The following RBFOX2 variants were observed in gnomAD, a reference collection of about 807,000 sequenced individuals.
RBFOX2 encodes RNA binding fox-1 homolog 2, also known as RNA binding protein fox-1 homolog 2.
In RBFOX2, 10 loss-of-function variants were observed where a neutral mutation model predicts 49.1. The ratio of observed to expected loss-of-function variants is 0.20; its 90% CI spans 0.13 to 0.35. The LOEUF (loss-of-function observed/expected upper bound fraction) is 0.35, where lower values mean the gene tolerates loss of function less well. Among genes scored for constraint, RBFOX2 ranks in the 10% least tolerant of loss-of-function variants. RBFOX2 has a pLI of 1.00. For synonymous variants in RBFOX2, 183 were observed against 187.4 expected (o/e 0.98, Z 0.19); for missense variants, 323 against 486.9 (o/e 0.66, Z 3.17).
At chr22:35,786,424 T>C (rs540613568) in intron 2 of RBFOX2, among the ~76,000 whole-genome samples, 55 of 152,264 alleles carry the variant, frequency 3.6e-4, no homozygotes, top group African/African-American at 1.3e-3. Flanking sequence ...AAGTTTAACA[T>C]ACATAGATAA....
chr22:35,876,337 T>C (rs545635037), intron 1 of RBFOX2, among the ~76,000 whole-genome samples: 1 of 152,300 alleles, frequency 6.6e-6, no homozygotes, highest in African/African-American at 2.4e-5. Context: ...GGTATTCTCC[T>C]GCCTCAGCCT....
At chr22:36,019,939 G>A (rs2059177588) in intron 1 of RBFOX2, among the ~76,000 whole-genome samples, 1 of 152,096 alleles carries the variant, frequency 6.6e-6, no homozygotes, top group South Asian at 2.1e-4. Flanking sequence ...ACATTGCCAA[G>A]ACAATCCTAA....
intron 1 of RBFOX2, among the ~76,000 whole-genome samples, chr22:35,878,317 G>T (rs1207882251): frequency 6.6e-6 from 1 of 152,100 alleles, no homozygotes; most frequent in Non-Finnish European, 1.5e-5. Context: ...AGAATCACTT[G>T]AACCCAGGAG....
intron 1 of RBFOX2, among the ~76,000 whole-genome samples, chr22:35,837,508 T>TGC (rs2082287138): frequency 6.7e-6 from 1 of 149,484 alleles, no homozygotes; most frequent in Non-Finnish European, 1.5e-5. Flanking sequence ...CACACACATG[T>TGC]GCACACACAC....
At chr22:35,953,172 C>T (rs1282451589) in intron 1 of RBFOX2, among the ~76,000 whole-genome samples, 2 of 140,512 alleles carry the variant, frequency 1.4e-5, no homozygotes, top group African/African-American at 5.4e-5. Flanking sequence ...GATCACACCA[C>T]TGCGCTCCAG....
Position 35,885,843 on chromosome 22 carries a change from A to ATTTTTT in RBFOX2, c.-34+52998_-34+53003dup, listed in dbSNP as rs538674450. Among the ~76,000 whole-genome samples, 105 of 83,152 alleles carry ATTTTTT rather than the reference A, an allele frequency of 1.3e-3. 12 individuals are homozygous for ATTTTTT. The highest frequency in any genetic ancestry group is 4.5e-3 in the African/African-American group (85 of 18,756). The allele number at this position is 83,152 out of a possible 152,430, so 54.6% of individuals were successfully genotyped here. On this transcript the variant is annotated intron_variant, in intron 1 of 13. Transcript: ENST00000359369. Reference sequence around the variant, plus strand: ...TTGGGTTAAGTGAAACCCAAACCTAATTTTTTTTTTTTTTTTTTTTTTTTT... The same window carrying ATTTTTT: ...TTGGGTTAAGTGAAACCCAAACCTAATTTTTTTTTTTTTTTTTTTTTTTTTTTTTTT...
At chr22:35,818,022 G>A (rs1015904223) in intron 1 of RBFOX2, among the ~76,000 whole-genome samples, 2 of 151,552 alleles carry the variant, frequency 1.3e-5, no homozygotes, top group African/African-American at 2.4e-5. Context: ...AAGCCAGTCC[G>A]GTCTTTCCCT....
chr22:35,961,748 C>T (rs2056230189), upstream of RBFOX2: 16 of 1,217,282 alleles, frequency 1.3e-5, no homozygotes, highest in Non-Finnish European at 1.5e-5. Context: ...GTTCTCCCCA[C>T]ACCACCCGCC....
intron 1 of RBFOX2, among the ~76,000 whole-genome samples, chr22:35,937,564 G>GT (rs1049998272): frequency 6.6e-5 from 10 of 151,790 alleles, no homozygotes; most frequent in African/African-American, 2.4e-4. Flanking sequence ...CCTAGTTTTT[G>GT]TTTTTTTGTA....
At chr22:35,960,326 A>T (rs544125064) in intron 1 of RBFOX2, among the ~76,000 whole-genome samples, 55 of 152,290 alleles carry the variant, frequency 3.6e-4, no homozygotes, top group African/African-American at 1.3e-3. Context: ...GAGGAAGCCA[A>T]CGCACCAAGA....
At chr22:35,863,235 T>C (rs2043299025) in intron 1 of RBFOX2, among the ~76,000 whole-genome samples, 1 of 152,188 alleles carries the variant, frequency 6.6e-6, no homozygotes, top group Non-Finnish European at 1.5e-5. Context: ...AACATATTTA[T>C]GTTATTTTTG....
chr22:35,960,611 C>A (rs1158112446), intron 1 of RBFOX2, among the ~76,000 whole-genome samples: 1 of 152,094 alleles, frequency 6.6e-6, no homozygotes, highest in Non-Finnish European at 1.5e-5. Flanking sequence ...ATTTAAAGAG[C>A]CCTTGATCTG....
At chr22:35,774,823 C>T (rs990401570) in intron 4 of RBFOX2, among the ~76,000 whole-genome samples, 6 of 152,052 alleles carry the variant, frequency 3.9e-5, no homozygotes, top group Non-Finnish European at 8.8e-5. Context: ...GGGTGATGGT[C>T]TTATTATACA....
chr22:35,951,843 G>C (rs1168456041), intron 1 of RBFOX2, among the ~76,000 whole-genome samples: 1 of 152,114 alleles, frequency 6.6e-6, no homozygotes, highest in Non-Finnish European at 1.5e-5. Context: ...TTCTACTATG[G>C]TGTTTATTTT....
At chr22:35,908,433 G>A (rs2049374244) in intron 1 of RBFOX2, among the ~76,000 whole-genome samples, 1 of 152,164 alleles carries the variant, frequency 6.6e-6, no homozygotes, top group Non-Finnish European at 1.5e-5. Context: ...TTACAGTTGG[G>A]TAAAATCATT....
At chr22:35,872,201 G>T (rs2044443552) in intron 1 of RBFOX2, among the ~76,000 whole-genome samples, 1 of 152,142 alleles carries the variant, frequency 6.6e-6, no homozygotes, top group African/African-American at 2.4e-5. Flanking sequence ...AAACAGGAAA[G>T]GTTCTCTTGT....
At chr22:35,761,104 C>CT in intron 8 of RBFOX2, 98 bp downstream of exon 9, 2 of 1,036,516 alleles carry the variant, frequency 1.9e-6, no homozygotes, top group Non-Finnish European at 2.9e-6. Flanking sequence ...AAGAAATTTC[C>CT]ATTTCAGTTA....
chr22:35,852,261 T>C (rs1375344860), intron 1 of RBFOX2, among the ~76,000 whole-genome samples: 1 of 152,062 alleles, frequency 6.6e-6, no homozygotes, highest in Non-Finnish European at 1.5e-5. Flanking sequence ...TCTGCCAATT[T>C]TGGTATCTGC....
chr22:35,819,649 G>A (rs1416891506), intron 1 of RBFOX2, among the ~76,000 whole-genome samples: 2 of 151,736 alleles, frequency 1.3e-5, no homozygotes, highest in African/African-American at 4.9e-5. Flanking sequence ...AATATTTATT[G>A]AGTATCTATC....
Sources: allele counts gnomAD v4.1 joint callset (sites outside exome capture counted in the v4.1 genomes callset), GRCh38; gene constraint gnomAD v4.1.1; transcripts MANE v1.5; gene names NCBI Gene and HGNC (gene_info 2026-07-23, HGNC 2026-07-21).